DCC: variants seen among roughly 807,000 people sequenced by gnomAD.
DCC encodes DCC netrin 1 receptor, also known as netrin receptor DCC.
Under a neutral mutation model 172.5 loss-of-function variants are expected in DCC, and 58 were observed. The ratio of observed to expected loss-of-function variants is 0.34; its 90% CI spans 0.27 to 0.42. DCC has a LOEUF of 0.42. Ranked by LOEUF, DCC falls within the 10% of genes least tolerant of loss-of-function variation. The pLI, the probability that DCC is intolerant of heterozygous loss-of-function variation, is 1.00. For synonymous variants in DCC, 709 were observed against 644.5 expected, an observed-to-expected ratio of 1.10 and a Z score of -1.52; for missense variants, 1,740 against 1,791.0, an observed-to-expected ratio of 0.97 and a Z score of 0.51.
chr18:52,538,408 A>G (rs2032345035), intron 1 of DCC, among the ~76,000 whole-genome samples: 2 of 152,212 alleles, frequency 1.3e-5, no homozygotes, highest in African/African-American at 4.8e-5. Context: ...CAGTAAGACA[A>G]TACACACACA....
intron 5 of DCC, among the ~76,000 whole-genome samples, chr18:53,011,767 G>A (rs1465371342): frequency 1.3e-5 from 2 of 150,898 alleles, no homozygotes; most frequent in Middle Eastern, 3.4e-3. Flanking sequence ...TTCTACCAAC[G>A]TATTCCATCT....
chr18:53,033,141 T>A (rs1273869743), intron 5 of DCC, among the ~76,000 whole-genome samples: 3 of 152,078 alleles, frequency 2.0e-5, no homozygotes, highest in Non-Finnish European at 4.4e-5. Context: ...AAGAATGTTG[T>A]GGGTGAGGCA....
chr18:53,171,513 G>A (rs2055013143), intron 8 of DCC, among the ~76,000 whole-genome samples: 1 of 152,082 alleles, frequency 6.6e-6, no homozygotes, highest in East Asian at 1.9e-4. Context: ...CAATGAATAT[G>A]TTTATACATA....
At chr18:53,248,953 G>T (rs376067588) in intron 12 of DCC, among the ~76,000 whole-genome samples, 6 of 151,972 alleles carry the variant, frequency 3.9e-5, no homozygotes, top group African/African-American at 1.4e-4. Context: ...TAATATATTT[G>T]CCTGAAAGTT....
intron 12 of DCC, among the ~76,000 whole-genome samples, chr18:53,238,304 T>C (rs763226254): frequency 4.6e-5 from 7 of 152,158 alleles, no homozygotes; most frequent in Non-Finnish European, 7.4e-5. Flanking sequence ...GTGAACACTT[T>C]ATTGATGATA....
chr18:53,397,553 T>C, intron 18 of DCC, 107 bp downstream of exon 18: 2 of 1,221,586 alleles, frequency 1.6e-6, no homozygotes. Flanking sequence ...CCTTATCCTA[T>C]ATAAAATAGT....
intron 26 of DCC, among the ~76,000 whole-genome samples, chr18:53,496,192 C>T (rs1461202200): frequency 6.6e-6 from 1 of 151,846 alleles, no homozygotes; most frequent in East Asian, 1.9e-4. Flanking sequence ...AGCTGACAGA[C>T]ACCTCATATA....
intron 2 of DCC, among the ~76,000 whole-genome samples, chr18:52,842,802 G>T (rs1049432517): frequency 2.0e-5 from 3 of 152,158 alleles, no homozygotes; most frequent in African/African-American, 7.2e-5. Context: ...CTCCTTTCAT[G>T]CTTTCCTAAC....
chr18:52,841,515 T>C (rs1248690653), intron 2 of DCC, among the ~76,000 whole-genome samples: 1 of 152,142 alleles, frequency 6.6e-6, no homozygotes, highest in Non-Finnish European at 1.5e-5. Context: ...AGGCATTCTG[T>C]CCGAGAAAGG....
chr18:52,531,878 A>G (rs886934313), intron 1 of DCC, among the ~76,000 whole-genome samples: 2 of 152,174 alleles, frequency 1.3e-5, no homozygotes, highest in African/African-American at 4.8e-5. Flanking sequence ...ACGTTCAAGC[A>G]TATTCTTGAT....
chr18:53,109,667 C>T (rs555470538), intron 7 of DCC, among the ~76,000 whole-genome samples: 4 of 142,684 alleles, frequency 2.8e-5, no homozygotes, highest in South Asian at 4.6e-4. Flanking sequence ...AGGCAATTTT[C>T]GTCTGCTGGG....
intron 5 of DCC, among the ~76,000 whole-genome samples, chr18:53,052,010 C>T (rs2042340697): frequency 6.6e-6 from 1 of 151,624 alleles, no homozygotes; most frequent in Non-Finnish European, 1.5e-5. Context: ...TTTTTTTGTA[C>T]AAACTCAGCC....
chr18:52,551,763 C>CAT (rs1385848769), intron 1 of DCC, among the ~76,000 whole-genome samples: 4 of 149,638 alleles, frequency 2.7e-5, no homozygotes, highest in Non-Finnish European at 5.9e-5. Context: ...CACACACACA[C>CAT]ACACACTTTG....
intron 2 of DCC, among the ~76,000 whole-genome samples, chr18:52,853,182 G>A (rs777303382): frequency 8.7e-4 from 132 of 152,104 alleles, no homozygotes; most frequent in Non-Finnish European, 1.6e-3. Flanking sequence ...TATTTAATTT[G>A]CGAATCTCAT....
In DCC at chr18:53,004,961, C is replaced by T. The variant is rs146374479; in HGVS notation, c.986-58344C>T. Reference sequence around the variant, plus strand: ...AAGTGATTAGGTCATGAGGGCTCTGCCCTAACGAATGAATAAATGTTGCCC... The same window carrying T: ...AAGTGATTAGGTCATGAGGGCTCTGTCCTAACGAATGAATAAATGTTGCCC... On this transcript the variant is annotated intron_variant, in intron 5 of 28. Coordinates refer to ENST00000442544, the MANE Select transcript of DCC (RefSeq NM_005215.4). Among the ~76,000 whole-genome samples, 554 of 152,254 alleles carry T rather than the reference C, an allele frequency of 3.6e-3. 1 individual carries two copies. The highest frequency in any genetic ancestry group is 0.013 in the African/African-American group (528 of 41,538).
chr18:52,752,886 C>A (rs1367276225), intron 2 of DCC, among the ~76,000 whole-genome samples: 1 of 152,000 alleles, frequency 6.6e-6, no homozygotes, highest in Non-Finnish European at 1.5e-5. Context: ...TTTCCCTTAG[C>A]ATAATATCCT....
intron 1 of DCC, among the ~76,000 whole-genome samples, chr18:52,501,782 A>C (rs2031032134): frequency 6.6e-6 from 1 of 152,148 alleles, no homozygotes; most frequent in Non-Finnish European, 1.5e-5. Context: ...TGCTTAGGGC[A>C]CATATACTTT....
chr18:53,340,517 C>G (rs904600861), intron 15 of DCC, among the ~76,000 whole-genome samples: 27 of 152,128 alleles, frequency 1.8e-4, no homozygotes, highest in Admixed American at 1.6e-3. Flanking sequence ...TCTAGGTTCT[C>G]TTATTGTACT....
intron 2 of DCC, among the ~76,000 whole-genome samples, chr18:52,815,594 A>T (rs2038281428): frequency 6.6e-6 from 1 of 152,156 alleles, no homozygotes; most frequent in African/African-American, 2.4e-5. Context: ...TGAGAAATTA[A>T]TTTCTGCTGT....
Sources: gnomAD v4.1 joint callset for allele counts (sites outside exome capture counted in the v4.1 genomes callset) on GRCh38, gnomAD v4.1.1 for gene constraint, MANE v1.5 for transcripts, NCBI Gene and HGNC (gene_info 2026-07-23, HGNC 2026-07-21) for gene names.